GBE1: variants seen among roughly 807,000 people sequenced by gnomAD.
GBE1 encodes the protein 1,4-alpha-glucan-branching enzyme.
Under a neutral mutation model 88.8 loss-of-function variants are expected in GBE1, and 70 were observed. That is an observed-to-expected ratio of 0.79 (90% CI 0.65 to 0.96). The LOEUF (loss-of-function observed/expected upper bound fraction) is 0.96. Among genes scored for constraint, GBE1 ranks in the 40% least tolerant of loss-of-function variants. GBE1 has a pLI of 0.00. For synonymous variants in GBE1, 284 were observed against 300.1 expected (o/e 0.95, Z 0.56); for missense variants, 872 against 871.0 (o/e 1.00, Z -0.01).
chr3:81,568,468 GGTTT>G (rs1703527236), intron 12 of GBE1, among the ~76,000 whole-genome samples: 1 of 137,166 alleles, frequency 7.3e-6, no homozygotes, highest in African/African-American at 2.8e-5. Context: ...ATCATTTGCA[GGTTT>G]TTTATTTGTT....
At chr3:81,654,173 G>C (rs1480774238) in intron 3 of GBE1, among the ~76,000 whole-genome samples, 1 of 152,008 alleles carries the variant, frequency 6.6e-6, no homozygotes, top group Non-Finnish European at 1.5e-5. Flanking sequence ...GACATTATTA[G>C]ATTACATAAA....
chr3:81,705,548 G>A lies in GBE1; in HGVS notation c.209C>T (p.Ser70Phe). 6.3e-7 allele frequency: 1 copy of A among 1,593,948 alleles called. No homozygotes were observed. The highest frequency in any genetic ancestry group is 8.6e-7 in the Non-Finnish European group (1 of 1,169,196). The change falls in exon 2 of 16, where the codon TCC becomes TTC. Residue 70 changes from serine to phenylalanine, a missense_variant. Coordinates refer to ENST00000429644, the MANE Select transcript of GBE1 (RefSeq NM_000158.4). ...GACGCCAAATGATTCATAGCCTCTG[G>A]AAAACTTATCAATACCACCTTCATT... ...GENEGGIDKF[S>F]RGYESFGVHR...
chr3:81,740,793 T>G (rs959029525), intron 1 of GBE1, among the ~76,000 whole-genome samples: 4 of 78,462 alleles, frequency 5.1e-5, no homozygotes, highest in Non-Finnish European at 1.0e-4. Flanking sequence ...CACACACAAT[T>G]TATTTAAAAT....
chr3:81,617,964 C>G (rs1022531904), intron 7 of GBE1, among the ~76,000 whole-genome samples: 1 of 151,878 alleles, frequency 6.6e-6, no homozygotes, highest in African/African-American at 2.4e-5. Flanking sequence ...AGAAATAGAT[C>G]CATTTCATCT....
Position 81,736,210 on chromosome 3 carries a change from T to C in GBE1, c.143+25165A>G, listed in dbSNP as rs559392737. Among the ~76,000 whole-genome samples, 4 of 152,246 alleles carry C rather than the reference T, an allele frequency of 2.6e-5. No individual in the cohort carries two copies. In the South Asian group the frequency reaches 8.3e-4, roughly 32 times the overall value. On this transcript the variant is annotated intron_variant, in intron 1 of 15. Transcript: ENST00000429644. ...TATGTCCTCTGGAATCTCAGAAGGG[T>C]TGGAGTGAGGAGGTACAGGAGAGGA...
chr3:81,641,056 TACA>T (rs1225530930), intron 7 of GBE1, among the ~76,000 whole-genome samples: 1 of 152,104 alleles, frequency 6.6e-6, no homozygotes, highest in African/African-American at 2.4e-5. Flanking sequence ...TGCACTTTGG[TACA>T]ACAAGGTACA....
intron 14 of GBE1, among the ~76,000 whole-genome samples, chr3:81,506,103 TATCAACAGGGTAAA>T (rs1277790793): frequency 3.3e-5 from 5 of 151,812 alleles, no homozygotes; most frequent in Non-Finnish European, 7.4e-5. Context: ...AAAAAGAAAT[TATCAACAGGGTAAA>T]TGGACAACCT....
intron 1 of GBE1, among the ~76,000 whole-genome samples, chr3:81,750,644 T>TATATATAC (rs1491188517): frequency 3.9e-5 from 2 of 50,902 alleles, no homozygotes; most frequent in Non-Finnish European, 6.1e-5. Context: ...TATATATATA[T>TATATATAC]GTATATATAT....
chr3:81,595,843 G>A (rs1703949553), intron 7 of GBE1, among the ~76,000 whole-genome samples: 1 of 151,950 alleles, frequency 6.6e-6, no homozygotes, highest in Non-Finnish European at 1.5e-5. Context: ...TATGTTAGTA[G>A]ACAGATTCTT....
chr3:81,743,661 G>A (rs1190764406), intron 1 of GBE1: 8 of 1,359,034 alleles, frequency 5.9e-6, no homozygotes, highest in Non-Finnish European at 8.0e-6. Flanking sequence ...GGCTATTAAA[G>A]CAGACAGCAG....
chr3:81,647,505 A>G (rs1185447538), intron 5 of GBE1, among the ~76,000 whole-genome samples: 1 of 152,180 alleles, frequency 6.6e-6, no homozygotes, highest in Non-Finnish European at 1.5e-5. Context: ...TAAGCAAATG[A>G]TCAGAAGAAA....
intron 2 of GBE1, among the ~76,000 whole-genome samples, chr3:81,683,465 G>A (rs1226604929): frequency 6.6e-6 from 1 of 152,056 alleles, no homozygotes; most frequent in African/African-American, 2.4e-5. Context: ...AAGACTCTAT[G>A]AAGAAAAAAT....
chr3:81,694,489 G>A (rs546082781), intron 2 of GBE1, among the ~76,000 whole-genome samples: 5 of 152,252 alleles, frequency 3.3e-5, no homozygotes, highest in Non-Finnish European at 7.4e-5. Context: ...AGGAGGAGGG[G>A]AGAATTCTCC....
rs746436911 is a variant in GBE1, at chr3:81,670,794, A to C, written c.429+44T>G. 7 of 1,064,982 alleles carry C rather than the reference A, an allele frequency of 6.6e-6. No homozygotes were observed. The African/African-American group carries it at 1.0e-4, about 15-fold the overall frequency. The allele number at this position is 1,064,982 out of a possible 1,614,324, so 66.0% of individuals were successfully genotyped here. ...AATCAAACTTGGCAAACAAGATAAA[A>C]AGAAAATGATAAGTTCAAGAAAAAA... On this transcript the variant is annotated intron_variant, in intron 3 of 15. Transcript: ENST00000429644.
Position 81,586,131 on chromosome 3 carries a change from G to C in GBE1, c.1296C>G (p.Asp432Glu). The C allele has an allele frequency of 2.5e-6, 4 of 1,610,380 alleles. No homozygotes were observed. Among genetic ancestry groups the C allele is most frequent in the Non-Finnish European group, 3.4e-6 (4 of 1,178,634 alleles). The change falls in exon 10 of 16, where the codon GAC becomes GAG. Residue 432 changes from aspartate to glutamate, a missense_variant. Coordinates refer to ENST00000429644, the MANE Select transcript of GBE1 (RefSeq NM_000158.4). ...SPISQGGGGF[D>E]YRLAMAIPDK... ...CTGGAATTGCCATGGCTAGTCGATA[G>C]TCAAAACCACCCCCTCCCTGGGAAA...
chr3:81,747,649 G>A (rs990735061), intron 1 of GBE1, among the ~76,000 whole-genome samples: 2 of 152,178 alleles, frequency 1.3e-5, no homozygotes, highest in African/African-American at 4.8e-5. Flanking sequence ...CACAAAAGAA[G>A]TGAAAAGGCC....
At chr3:81,524,869 C>T (rs1401445321) in intron 14 of GBE1, among the ~76,000 whole-genome samples, 1 of 151,612 alleles carries the variant, frequency 6.6e-6, no homozygotes. Flanking sequence ...TCTTTTTGTG[C>T]AACATGTCTT....
chr3:81,590,247 T>A (rs1703859359), intron 9 of GBE1, among the ~76,000 whole-genome samples: 1 of 152,026 alleles, frequency 6.6e-6, no homozygotes, highest in Non-Finnish European at 1.5e-5. Context: ...ACACCAACAA[T>A]GTAAAAACAC....
chr3:81,657,329 T>C (rs139204099), intron 3 of GBE1, among the ~76,000 whole-genome samples: 12 of 152,082 alleles, frequency 7.9e-5, no homozygotes, highest in Non-Finnish European at 1.5e-4. Context: ...ACCTGACATA[T>C]TTGCTTCATT....
Sources: gnomAD v4.1 joint callset for allele counts (sites outside exome capture counted in the v4.1 genomes callset) on GRCh38, gnomAD v4.1.1 for gene constraint, MANE v1.5 for transcripts, NCBI Gene and HGNC (gene_info 2026-07-23, HGNC 2026-07-21) for gene names.